LRRC28: variants seen among roughly 807,000 people sequenced by gnomAD.
LRRC28 encodes leucine rich repeat containing 28, also known as leucine-rich repeat-containing protein 28.
Under a neutral mutation model 45.7 loss-of-function variants are expected in LRRC28, and 39 were observed. The observed-to-expected ratio is 0.85, with a 90% CI of 0.66 to 1.12. The LOEUF (loss-of-function observed/expected upper bound fraction) is 1.12, where lower values mean the gene tolerates loss of function less well. Ranked by LOEUF, LRRC28 falls within the 50% of genes most tolerant of loss-of-function variation. The pLI, the probability that LRRC28 is intolerant of heterozygous loss-of-function variation, is 0.00. For missense variants in LRRC28, 435 were observed against 438.5 expected, an observed-to-expected ratio of 0.99 and a Z score of 0.07; for synonymous variants, 206 against 178.8, an observed-to-expected ratio of 1.15 and a Z score of -1.22.
chr15:99,329,132 A>G (rs1047541825), intron 5 of LRRC28, among the ~76,000 whole-genome samples: 46 of 152,334 alleles, frequency 3.0e-4, no homozygotes, highest in African/African-American at 9.6e-4. Flanking sequence ...GGAACAGATC[A>G]GTGAAATTGT....
chr15:99,281,668 T>A (rs1282186066), intron 3 of LRRC28, among the ~76,000 whole-genome samples: 1 of 152,234 alleles, frequency 6.6e-6, no homozygotes, highest in Non-Finnish European at 1.5e-5. Flanking sequence ...TTATAAAGTT[T>A]GCATTTTTGA....
chr15:99,340,966 T>C (rs1956486108), intron 6 of LRRC28, among the ~76,000 whole-genome samples: 1 of 152,184 alleles, frequency 6.6e-6, no homozygotes, highest in Admixed American at 6.5e-5. Flanking sequence ...AATGCAAATT[T>C]TGTCAAGGAA....
At chr15:99,313,247 T>C (rs1473672885) in intron 5 of LRRC28, among the ~76,000 whole-genome samples, 2 of 152,116 alleles carry the variant, frequency 1.3e-5, no homozygotes, top group Non-Finnish European at 2.9e-5. Flanking sequence ...ATTATAAATG[T>C]AGATGCACTT....
chr15:99,357,757 A>G (rs1254756219), intron 7 of LRRC28, among the ~76,000 whole-genome samples: 2 of 152,160 alleles, frequency 1.3e-5, no homozygotes, highest in African/African-American at 4.8e-5. Flanking sequence ...ATTCAACATT[A>G]TATTAAAGAA....
At chr15:99,252,190 A>G (rs1001539090) in intron 1 of LRRC28, among the ~76,000 whole-genome samples, 1 of 152,248 alleles carries the variant, frequency 6.6e-6, no homozygotes, top group East Asian at 1.9e-4. Context: ...GTATAACTAT[A>G]CAAGAGGTAG....
At chr15:99,349,446 A>T (rs1379483699) in intron 6 of LRRC28, among the ~76,000 whole-genome samples, 1 of 152,148 alleles carries the variant, frequency 6.6e-6, no homozygotes, top group Admixed American at 6.5e-5. Flanking sequence ...TCTATTTGTT[A>T]AAAAAAGGAA....
At chr15:99,342,045 A>G (rs370924622) in intron 6 of LRRC28, among the ~76,000 whole-genome samples, 5 of 152,344 alleles carry the variant, frequency 3.3e-5, no homozygotes, top group South Asian at 4.1e-4. Context: ...TTCCAAGTCC[A>G]TACTGGACAG....
At chr15:99,345,611 C>T (rs1956654998) in intron 6 of LRRC28, among the ~76,000 whole-genome samples, 1 of 151,940 alleles carries the variant, frequency 6.6e-6, no homozygotes, top group Non-Finnish European at 1.5e-5. Flanking sequence ...TTGTTGAGGC[C>T]TTTTTTATGC....
chr15:99,288,074 A>G, intron 5 of LRRC28, 123 bp downstream of exon 5: 4 of 972,120 alleles, frequency 4.1e-6, no homozygotes, highest in Non-Finnish European at 5.6e-6. Context: ...ATTTGTTTGA[A>G]GATGAAACTA....
At chr15:99,312,105 G>A (rs73473380) in intron 5 of LRRC28, among the ~76,000 whole-genome samples, 3,410 of 152,152 alleles carry the variant, frequency 0.022, 125 homozygotes, top group African/African-American at 0.077. Flanking sequence ...CTACAGTCAC[G>A]CACTGCTTAA....
intron 5 of LRRC28, among the ~76,000 whole-genome samples, chr15:99,328,899 C>T (rs1452114907): frequency 6.7e-6 from 1 of 149,808 alleles, no homozygotes; most frequent in African/African-American, 2.5e-5. Context: ...GTTCTGAGGC[C>T]TTCAGACTGG....
At chr15:99,331,337 A>G (rs892349817) in intron 5 of LRRC28, among the ~76,000 whole-genome samples, 19 of 152,206 alleles carry the variant, frequency 1.2e-4, no homozygotes, top group African/African-American at 3.9e-4. Context: ...TAGCATTGGC[A>G]TCAGCACACT....
intron 5 of LRRC28, among the ~76,000 whole-genome samples, chr15:99,297,837 C>T (rs755406524): frequency 6.6e-6 from 1 of 151,812 alleles, no homozygotes; most frequent in African/African-American, 2.4e-5. Flanking sequence ...TATTTACAAA[C>T]TTTTACAAGC....
rs1490235232 is a variant in LRRC28 at position 99,259,651 on chromosome 15, G to A, written c.168+3526G>A. 108 of 1,418,948 alleles carry A rather than the reference G, an allele frequency of 7.6e-5. 1 individual carries two copies. The highest frequency in any genetic ancestry group is 7.5e-4 in the South Asian group (65 of 86,956). 87.9% of individuals were successfully genotyped at this position (1,418,948 alleles called of 1,614,324 possible). On this transcript the variant is annotated intron_variant, in intron 2 of 9. Coordinates refer to ENST00000301981, the MANE Select transcript of LRRC28 (RefSeq NM_144598.5). ...AGGGCATCTCTACAAATTACCATGC[G>A]AGTCGGAAGAAAACATTTGAAATTA...
intron 5 of LRRC28, chr15:99,326,569 A>G (rs1001520572): frequency 3.3e-5 from 5 of 152,236 alleles, no homozygotes; most frequent in Admixed American, 2.6e-4. Flanking sequence ...CACTTTATTG[A>G]TGCTGCTGAC....
At chr15:99,329,312 A>G (rs1956084646) in intron 5 of LRRC28, among the ~76,000 whole-genome samples, 1 of 152,264 alleles carries the variant, frequency 6.6e-6, no homozygotes, top group African/African-American at 2.4e-5. Flanking sequence ...GTTGTAGAAC[A>G]CAACCACCCT....
chr15:99,255,790 TTAA>T (rs2152120846), intron 1 of LRRC28, 105 bp from the exon 2 acceptor site: 1 of 541,930 alleles, frequency 1.8e-6, no homozygotes, highest in African/African-American at 1.9e-5. Flanking sequence ...ATTGAATGTA[TTAA>T]TTATTTTTTT....
intron 9 of LRRC28, among the ~76,000 whole-genome samples, chr15:99,382,321 C>T (rs1957853784): frequency 6.6e-6 from 1 of 152,178 alleles, no homozygotes; most frequent in African/African-American, 2.4e-5. Context: ...GGCATGGGAC[C>T]CTCCCAGCCA....
At position 99,335,899 on chromosome 15, in the gene LRRC28, A is replaced by G. The variant is rs79187277; in HGVS notation, c.592+1770A>G. ...GATGGTTTGATTTGTGTGGCATGAA[A>G]TGCAACTTACTGGCATAACACCAGA... On this transcript the variant is annotated intron_variant, in intron 6 of 9. Coordinates refer to ENST00000301981, the MANE Select transcript of LRRC28 (RefSeq NM_144598.5). Among the ~76,000 whole-genome samples, 677 of 152,260 alleles carry G rather than the reference A, an allele frequency of 4.4e-3. 7 individuals are homozygous for G. The highest frequency in any genetic ancestry group is 0.016 in the African/African-American group (654 of 41,550).
Sources: allele counts gnomAD v4.1 joint callset (sites outside exome capture counted in the v4.1 genomes callset), GRCh38; gene constraint gnomAD v4.1.1; transcripts MANE v1.5; gene names NCBI Gene and HGNC (gene_info 2026-07-23, HGNC 2026-07-21).